The following DTNA variants were observed in gnomAD, a reference collection of about 807,000 sequenced individuals.
The protein encoded by DTNA is dystrophin-related protein 3.
Under a neutral mutation model 100.7 loss-of-function variants are expected in DTNA, and 43 were observed. The ratio of observed to expected loss-of-function variants is 0.43; its 90% CI spans 0.33 to 0.55. The LOEUF (loss-of-function observed/expected upper bound fraction) is 0.55. Among genes scored for constraint, DTNA ranks in the 20% least tolerant of loss-of-function variants. The pLI is 0.04. For missense variants in DTNA, 798 were observed against 953.9 expected, an observed-to-expected ratio of 0.84 and a Z score of 2.15; for synonymous variants, 349 against 347.9, an observed-to-expected ratio of 1.00 and a Z score of -0.04.
intron 1 of DTNA, among the ~76,000 whole-genome samples, chr18:34,526,323 C>G (rs1226980244): frequency 2.6e-5 from 4 of 152,062 alleles, no homozygotes; most frequent in Non-Finnish European, 5.9e-5. Context: ...ATAAAACACT[C>G]TTAGGAGTCA....
At chr18:34,737,444 A>G (rs952156748) in intron 1 of DTNA, among the ~76,000 whole-genome samples, 5 of 152,214 alleles carry the variant, frequency 3.3e-5, no homozygotes, top group African/African-American at 1.2e-4. Flanking sequence ...AAGGCTACAA[A>G]TGAAAGAGTT....
chr18:34,769,956 T>A (rs1200596597), intron 3 of DTNA, among the ~76,000 whole-genome samples: 3 of 151,484 alleles, frequency 2.0e-5, no homozygotes, highest in Non-Finnish European at 4.4e-5. Context: ...CCTGACCTCA[T>A]GTGATCTGCC....
chr18:34,778,822 G>A (rs1158187220), intron 3 of DTNA, among the ~76,000 whole-genome samples: 2 of 151,988 alleles, frequency 1.3e-5, no homozygotes, highest in African/African-American at 4.8e-5. Context: ...TGTTGTTGTT[G>A]TTGTTGTTGT....
chr18:34,713,686 T>C (rs1482725382), intron 1 of DTNA, among the ~76,000 whole-genome samples: 2 of 151,978 alleles, frequency 1.3e-5, no homozygotes, highest in African/African-American at 2.4e-5. Flanking sequence ...ATTGGTAGCT[T>C]GATGGGGATG....
At position 34,890,442 on chromosome 18, in the gene DTNA, T is replaced by A; in HGVS notation, c.*2708T>A. ...ATTTACTTTTGGGGCCTGTTCTAAG[T>A]GCAAACCCAGCAAGTTTCACTTGTC... On this transcript the variant is annotated 3_prime_UTR_variant, in exon 23 of 23. Transcript: ENST00000444659. 1 of 1,536,146 alleles carries A rather than the reference T, an allele frequency of 6.5e-7. No homozygotes were observed. Among genetic ancestry groups the A allele is most frequent in the Non-Finnish European group, 8.7e-7 (1 of 1,146,908 alleles).
chr18:34,636,084 T>A (rs2148236074), intron 1 of DTNA, among the ~76,000 whole-genome samples: 1 of 152,346 alleles, frequency 6.6e-6, no homozygotes, highest in South Asian at 2.1e-4. Flanking sequence ...CAAGTCTTTA[T>A]GTATACTTTC....
chr18:34,628,357 A>G (rs749670262), intron 1 of DTNA, among the ~76,000 whole-genome samples: 127 of 152,234 alleles, frequency 8.3e-4, no homozygotes, highest in Admixed American at 1.8e-3. Flanking sequence ...AAGGATTCAC[A>G]TATTCATGTG....
At chr18:34,553,388 A>C (rs1340197784) in intron 1 of DTNA, among the ~76,000 whole-genome samples, 2 of 150,096 alleles carry the variant, frequency 1.3e-5, no homozygotes, top group Non-Finnish European at 3.0e-5. Flanking sequence ...GTTTAATTAG[A>C]TCCCATTTGT....
chr18:34,535,642 T>G (rs1331178617), intron 1 of DTNA, among the ~76,000 whole-genome samples: 1 of 152,162 alleles, frequency 6.6e-6, no homozygotes, highest in African/African-American at 2.4e-5. Context: ...TGTTTAAGTC[T>G]TTAATTCATC....
intron 1 of DTNA, among the ~76,000 whole-genome samples, chr18:34,535,079 CA>C (rs1053093651): frequency 3.9e-5 from 6 of 152,132 alleles, no homozygotes; most frequent in African/African-American, 1.2e-4. Flanking sequence ...GTGTGTTCCA[CA>C]ATGGTTGAAC....
intron 1 of DTNA, among the ~76,000 whole-genome samples, chr18:34,550,419 G>C (rs1005239086): frequency 2.0e-5 from 3 of 152,128 alleles, no homozygotes; most frequent in African/African-American, 7.2e-5. Flanking sequence ...CCCAAAGCAA[G>C]TAGAAACAGT....
intron 1 of DTNA, among the ~76,000 whole-genome samples, chr18:34,495,580 A>G (rs1006074665): frequency 2.6e-5 from 4 of 152,092 alleles, no homozygotes; most frequent in African/African-American, 4.8e-5. Context: ...TAACCCACTC[A>G]CTCTGGCGAG....
In DTNA at chr18:34,725,159, G is replaced by A. The variant is rs548376116; in HGVS notation, c.-2+14714G>A. ...ATAAAAACCCTAGAAGAAAACCTAG[G>A]CAATACCATTCAGGAGATAGGCATG... On this transcript the variant is annotated intron_variant, in intron 1 of 22. Coordinates refer to ENST00000444659, the MANE Select transcript of DTNA (RefSeq NM_001386795.1). 3.9e-5 allele frequency among the ~76,000 whole-genome samples: 6 copies of A among 152,152 alleles called. No homozygotes were observed. In the East Asian group the frequency reaches 1.2e-3, roughly 29 times the overall value.
chr18:34,727,285 C>G (rs991350520), intron 1 of DTNA, among the ~76,000 whole-genome samples: 2 of 152,198 alleles, frequency 1.3e-5, no homozygotes, highest in African/African-American at 2.4e-5. Flanking sequence ...GCCTTTTTCC[C>G]ATTGTCTTGG....
intron 1 of DTNA, among the ~76,000 whole-genome samples, chr18:34,516,368 C>A (rs893536466): frequency 1.3e-5 from 2 of 152,080 alleles, no homozygotes; most frequent in South Asian, 4.2e-4. Flanking sequence ...AGGACCAGGG[C>A]GAAATTGGAA....
At chr18:34,775,243 T>A (rs984444611) in intron 3 of DTNA, among the ~76,000 whole-genome samples, 1 of 152,138 alleles carries the variant, frequency 6.6e-6, no homozygotes, top group African/African-American at 2.4e-5. Flanking sequence ...TCCCAGCACT[T>A]TGGGAGGCCG....
At chr18:34,652,557 A>G (rs901983744) in intron 1 of DTNA, among the ~76,000 whole-genome samples, 1 of 152,182 alleles carries the variant, frequency 6.6e-6, no homozygotes, top group Admixed American at 6.5e-5. Flanking sequence ...TCACCCTTCC[A>G]ATGTCTTTTC....
At chr18:34,834,651 G>A (rs565056439) in intron 11 of DTNA, among the ~76,000 whole-genome samples, 3 of 152,278 alleles carry the variant, frequency 2.0e-5, no homozygotes, top group South Asian at 4.1e-4. Context: ...ATCACATGAG[G>A]AGAGAGGAAG....
intron 1 of DTNA, among the ~76,000 whole-genome samples, chr18:34,629,338 G>A (rs900676864): frequency 6.6e-6 from 1 of 152,142 alleles, no homozygotes; most frequent in African/African-American, 2.4e-5. Context: ...CTGCCCTGAC[G>A]GAGTTTCCAT....
Sources: gnomAD v4.1 joint callset for allele counts (sites outside exome capture counted in the v4.1 genomes callset) on GRCh38, gnomAD v4.1.1 for gene constraint, MANE v1.5 for transcripts, NCBI Gene and HGNC (gene_info 2026-07-23, HGNC 2026-07-21) for gene names.